Variants in TMEM26 observed in about 807,000 individuals in gnomAD.
TMEM26 encodes transmembrane protein 26.
TMEM26 carries 38 observed loss-of-function variants against 28.8 expected under a neutral mutation model. The observed-to-expected ratio is 1.32, with a 90% CI of 1.02 to 1.73. The LOEUF (loss-of-function observed/expected upper bound fraction) is 1.73. TMEM26 is among the 40% of genes most tolerant of loss of function. The probability of loss-of-function intolerance (pLI) is 0.00; values close to 1 mark genes in which losing one functional copy is unlikely to be tolerated. For synonymous variants in TMEM26, 227 were observed against 182.9 expected, an observed-to-expected ratio of 1.24 and a Z score of -1.95; for missense variants, 518 against 447.1, an observed-to-expected ratio of 1.16 and a Z score of -1.43.
At chr10:61,420,540 G>GTA (rs1417273852) in intron 4 of TMEM26, among the ~76,000 whole-genome samples, 1 of 152,002 alleles carries the variant, frequency 6.6e-6, no homozygotes, top group Non-Finnish European at 1.5e-5. Context: ...TTATATATTT[G>GTA]TATATATATG....
At chr10:61,412,897 G>T (rs1269546716) in intron 5 of TMEM26, 2 of 1,269,904 alleles carry the variant, frequency 1.6e-6, no homozygotes. Flanking sequence ...AAAATCTTAG[G>T]GGTTTATGTT....
Position 61,424,288 on chromosome 10 carries a change from A to T in TMEM26, c.605+4638T>A, listed in dbSNP as rs549539070. Among the ~76,000 whole-genome samples the T allele has an allele frequency of 2.6e-4, 39 of 152,282 alleles. No individual in the cohort carries two copies. In the South Asian group the frequency reaches 6.4e-3, roughly 25 times the overall value. ...CAATAAAAAATGTGAAAATAAAATTAAAAAAATAATTCCACTACTAAGAGC... is the reference window on the plus strand; with the variant it reads ...CAATAAAAAATGTGAAAATAAAATTTAAAAAATAATTCCACTACTAAGAGC... On this transcript the variant is annotated intron_variant, in intron 4 of 5. Coordinates refer to ENST00000399298, the MANE Select transcript of TMEM26 (RefSeq NM_178505.8).
At chr10:61,413,758 T>G (rs374499252) in intron 4 of TMEM26, 2 of 1,215,238 alleles carry the variant, frequency 1.6e-6, no homozygotes, top group African/African-American at 1.6e-5. Flanking sequence ...TATGCATGAA[T>G]TATGACAAAG....
Position 61,450,619 on chromosome 10 carries a change from A to G in TMEM26, c.191+2272T>C, listed in dbSNP as rs74655447. Among the ~76,000 whole-genome samples the G allele has an allele frequency of 6.5e-3, 993 of 151,624 alleles. 30 individuals are homozygous for G. Among genetic ancestry groups the G allele is most frequent in the East Asian group, 0.062 (321 of 5,192 alleles). On this transcript the variant is annotated intron_variant, in intron 1 of 5. Coordinates refer to ENST00000399298, the MANE Select transcript of TMEM26 (RefSeq NM_178505.8). ...TTTACCAAGACTCATTTGTTGCTGA[A>G]ATTTTATACTAAGTCAAATCAATCA...
intron 1 of TMEM26, among the ~76,000 whole-genome samples, chr10:61,444,226 T>C (rs963584838): frequency 2.0e-5 from 3 of 152,340 alleles, no homozygotes; most frequent in Non-Finnish European, 2.9e-5. Flanking sequence ...CATATAACTA[T>C]ACATATTTTC....
chr10:61,437,281 A>T (rs1245435885), intron 1 of TMEM26, among the ~76,000 whole-genome samples: 1 of 152,126 alleles, frequency 6.6e-6, no homozygotes, highest in African/African-American at 2.4e-5. Flanking sequence ...TGGGGTTAGG[A>T]CTTCAGTCTA....
At chr10:61,418,816 G>A (rs1395591810) in intron 4 of TMEM26, among the ~76,000 whole-genome samples, 3 of 152,120 alleles carry the variant, frequency 2.0e-5, no homozygotes, top group African/African-American at 7.2e-5. Flanking sequence ...GAGTACTCCT[G>A]TAGGCTTGGC....
chr10:61,433,972 C>T (rs1234464008), intron 2 of TMEM26, among the ~76,000 whole-genome samples: 2 of 152,080 alleles, frequency 1.3e-5, no homozygotes, highest in Non-Finnish European at 2.9e-5. Context: ...TCATGCCTAA[C>T]CTATGGAGTT....
At chr10:61,412,936 A>C (rs16916115) in intron 5 of TMEM26, 13 of 1,294,122 alleles carry the variant, frequency 1.0e-5, no homozygotes, top group Non-Finnish European at 1.2e-5. Context: ...GTAGGATTCC[A>C]AGGACCTCCA....
At chr10:61,413,698 G>A in intron 4 of TMEM26, 163 bp from the exon 5 acceptor site, 1 of 1,305,716 alleles carries the variant, frequency 7.7e-7, no homozygotes, top group Non-Finnish European at 9.7e-7. Flanking sequence ...TGATAATAAT[G>A]GAATAATGAA....
chr10:61,418,330 G>A lies in TMEM26; in HGVS notation c.606-4795C>T, dbSNP rs374703777. Among the ~76,000 whole-genome samples the A allele has an allele frequency of 5.3e-5, 8 of 152,090 alleles. No individual in the cohort carries two copies. The East Asian group carries it at 9.7e-4, about 18-fold the overall frequency. On this transcript the variant is annotated intron_variant, in intron 4 of 5. Transcript: ENST00000399298. ...TCCTACCCTCTCACAGAGGCTGGGA[G>A]ACAGGGGCTCCATCTTTCTTTAAGA...
chr10:61,438,140 A>T (rs994034399), intron 1 of TMEM26, among the ~76,000 whole-genome samples: 1 of 152,166 alleles, frequency 6.6e-6, no homozygotes, highest in South Asian at 2.1e-4. Context: ...CTCTTAAAAA[A>T]TCAATATTTA....
chr10:61,447,428 A>T (rs1840202919), intron 1 of TMEM26, among the ~76,000 whole-genome samples: 1 of 152,210 alleles, frequency 6.6e-6, no homozygotes, highest in South Asian at 2.1e-4. Context: ...TTCAAATGCA[A>T]TTGAGTGATC....
At chr10:61,411,315 A>G (rs1368841965) in intron 5 of TMEM26, among the ~76,000 whole-genome samples, 2 of 152,192 alleles carry the variant, frequency 1.3e-5, no homozygotes, top group South Asian at 2.1e-4. Context: ...TTTTGTTTCC[A>G]TTAGAATAAC....
intron 4 of TMEM26, among the ~76,000 whole-genome samples, chr10:61,419,991 G>A (rs1839716884): frequency 6.6e-6 from 1 of 151,986 alleles, no homozygotes; most frequent in Non-Finnish European, 1.5e-5. Context: ...GCAAAGTGGG[G>A]GTTAGTTAAG....
chr10:61,410,197 A>G lies in TMEM26; in HGVS notation c.*125T>C, dbSNP rs1839545066. 13 of 1,112,638 alleles carry G rather than the reference A, an allele frequency of 1.2e-5. No individual in the cohort carries two copies. The highest frequency in any genetic ancestry group is 1.6e-5 in the Non-Finnish European group (13 of 801,298). 68.9% of individuals were successfully genotyped at this position (1,112,638 alleles called of 1,614,324 possible). ...AAGAAAATTCCTCAGCTTTGGTTTA[A>G]GATCACCTTTTTATGTTGTTCTTTT... is the stretch of plus-strand genomic sequence containing the variant. On this transcript the variant is annotated 3_prime_UTR_variant, in exon 6 of 6. Coordinates refer to ENST00000399298, the MANE Select transcript of TMEM26 (RefSeq NM_178505.8).
Position 61,429,108 on chromosome 10 carries a change from C to A in TMEM26, c.423G>T (p.Glu141Asp). Residue 141 changes from glutamate (E) to aspartate (D), a missense_variant, in exon 4 of 6, where the codon GAG becomes GAT. Coordinates refer to ENST00000399298, the MANE Select transcript of TMEM26 (RefSeq NM_178505.8). ...GATGGAGTCCCAATGTCCAAACTTT[C>A]TCACATACTGTAGATAAGTTATTCA... ...VFVNNLSTVCEKVWTLGLHQT... is the reference protein window; with the variant it reads ...VFVNNLSTVCDKVWTLGLHQT... 6 of 1,613,188 alleles carry A rather than the reference C, an allele frequency of 3.7e-6. No individual in the cohort carries two copies. The highest frequency in any genetic ancestry group is 5.1e-6 in the Non-Finnish European group (6 of 1,179,412).
chr10:61,442,218 GAT>G, intron 1 of TMEM26, among the ~76,000 whole-genome samples: 1 of 152,140 alleles, frequency 6.6e-6, no homozygotes, highest in Middle Eastern at 3.4e-3. Context: ...TCTACAAAAT[GAT>G]ATGTCATGAC....
intron 2 of TMEM26, 83 bp from the exon 3 acceptor site, chr10:61,431,415 G>C: frequency 1.0e-6 from 1 of 961,852 alleles, no homozygotes; most frequent in Admixed American, 1.8e-5. Flanking sequence ...ATCTGTTCAA[G>C]AGATTATGAG....
Sources: gnomAD v4.1 joint callset for allele counts (sites outside exome capture counted in the v4.1 genomes callset) on GRCh38, gnomAD v4.1.1 for gene constraint, MANE v1.5 for transcripts, NCBI Gene and HGNC (gene_info 2026-07-23, HGNC 2026-07-21) for gene names.